FOXK1: variants seen among roughly 807,000 people sequenced by gnomAD.
FOXK1 encodes forkhead box K1, also known as forkhead box protein K1.
In FOXK1, 19 loss-of-function variants were observed where a neutral mutation model predicts 51.9. The observed-to-expected ratio is 0.37, with a 90% confidence interval of 0.26 to 0.54. The LOEUF is 0.54. Ranked by LOEUF, FOXK1 falls within the 20% of genes least tolerant of loss-of-function variation. The pLI is 0.87. For missense variants in FOXK1, 870 were observed against 1,032.7 expected (o/e 0.84, Z 2.16); for synonymous variants, 537 against 482.6 (o/e 1.11, Z -1.48).
At position 4,762,551 on chromosome 7, in the gene FOXK1, G is replaced by A. The variant is rs772778823; in HGVS notation, c.*87G>A. ...AGCTCAGGCGGCCGCACCCACAGAC[G>A]GAGGAGAACAGCCCGCGGCGGCCTG... On this transcript the variant is annotated 3_prime_UTR_variant, in exon 9 of 9. Transcript: ENST00000328914. This position sits in a 1 kb window ranked among gnomAD's most constrained non-coding sequence, Gnocchi z 5.7. 1.3e-4 allele frequency: 183 copies of A among 1,374,342 alleles called. No homozygotes were observed. Among genetic ancestry groups the A allele is most frequent in the Middle Eastern group, 2.6e-4 (1 of 3,848 alleles). The allele number at this position is 1,374,342 out of a possible 1,614,324, so 85.1% of individuals were successfully genotyped here. A position where few individuals can be genotyped will look rare whatever the true frequency, so the allele number is the denominator to read the frequency against.
intron 1 of FOXK1, among the ~76,000 whole-genome samples, chr7:4,702,975 T>C (rs1269055896): frequency 1.3e-5 from 2 of 152,172 alleles, no homozygotes; most frequent in African/African-American, 4.8e-5. Flanking sequence ...CTGCGTGTCC[T>C]GCTCGTCCTC....
chr7:4,705,378 TG>T (rs1473662377), intron 1 of FOXK1, among the ~76,000 whole-genome samples: 1 of 150,960 alleles, frequency 6.6e-6, no homozygotes, highest in Non-Finnish European at 1.5e-5. Flanking sequence ...GACAGGGTCT[TG>T]GTATGTTGCC....
rs990714306 is a variant in FOXK1, at chr7:4,735,498, A to G, written c.561-5340A>G. The stretch of plus-strand genomic sequence containing the variant: ...AGAAAGAACCCCCTAGCTCTTAGTC[A>G]TTCTCCGTCCCCCCTGCCTGTCCCA... On this transcript the variant is annotated intron_variant, in intron 1 of 8. Transcript: ENST00000328914. This position sits in a 1 kb window ranked among gnomAD's most constrained non-coding sequence, Gnocchi z 4.7. Among the ~76,000 whole-genome samples the G allele has an allele frequency of 6.6e-6, 1 of 152,112 alleles. No homozygotes were observed. The highest frequency in any genetic ancestry group is 1.5e-5 in the Non-Finnish European group (1 of 68,034).
At chr7:4,760,976 C>T in intron 7 of FOXK1, 88 bp from the exon 8 acceptor site, 1 of 1,285,674 alleles carries the variant, frequency 7.8e-7, no homozygotes, top group South Asian at 1.3e-5. Context: ...CCTCACTTTC[C>T]CCACTTGTCC....
At chr7:4,732,364 C>G (rs1234015246) in intron 1 of FOXK1, among the ~76,000 whole-genome samples, 1 of 152,240 alleles carries the variant, frequency 6.6e-6, no homozygotes, top group East Asian at 1.9e-4. Context: ...ACCATCATAG[C>G]CCACTGCGGC....
In FOXK1 at chr7:4,754,440, T is replaced by C; in HGVS notation, c.747-19T>C. On this transcript the variant is annotated intron_variant, in intron 2 of 8. Coordinates refer to ENST00000328914, the MANE Select transcript of FOXK1 (RefSeq NM_001037165.2). ...CCTCTTCAGAGCCATGAACTTACAG[T>C]GTCCTTCTCTCTCCTCAGTGTCCCC... is the stretch of plus-strand genomic sequence containing the variant. The C allele has an allele frequency of 6.2e-7, 1 of 1,610,154 alleles. No individual in the cohort carries two copies. The highest frequency in any genetic ancestry group is 8.5e-7 in the Non-Finnish European group (1 of 1,178,486).
intron 1 of FOXK1, among the ~76,000 whole-genome samples, chr7:4,725,608 C>G (rs1184976747): frequency 1.3e-5 from 2 of 152,256 alleles, no homozygotes; most frequent in African/African-American, 4.8e-5. Context: ...CGGGCCTCGC[C>G]CATGCTCCGG....
intron 1 of FOXK1, among the ~76,000 whole-genome samples, chr7:4,740,327 G>C (rs1302498515): frequency 6.6e-6 from 1 of 152,108 alleles, no homozygotes; most frequent in Non-Finnish European, 1.5e-5. Flanking sequence ...CTACTCGGGA[G>C]GCTGAGGCAG....
At chr7:4,754,643 ACCTGGTGAC>A in intron 3 of FOXK1, 28 bp downstream of exon 3, 1 of 1,593,216 alleles carries the variant, frequency 6.3e-7, no homozygotes, top group South Asian at 1.1e-5. Flanking sequence ...GCCGTGGTGC[ACCTGGTGAC>A]CCAGGATCGG....
Position 4,684,109 on chromosome 7 carries a change from C to T in FOXK1, c.560+1241C>T, listed in dbSNP as rs187839354. ...CCTCCTTTCCAGCTCCACTGCCCTC[C>T]GCACCCTCTGCTCTGCCCCGGACCT... On this transcript the variant is annotated intron_variant, in intron 1 of 8. Transcript: ENST00000328914. 6.6e-5 allele frequency among the ~76,000 whole-genome samples: 10 copies of T among 152,278 alleles called. 1 individual carries two copies. The highest frequency in any genetic ancestry group is 2.2e-4 in the African/African-American group (9 of 41,560).
chr7:4,725,271 C>A (rs1250894834), intron 1 of FOXK1, among the ~76,000 whole-genome samples: 1 of 152,230 alleles, frequency 6.6e-6, no homozygotes, highest in African/African-American at 2.4e-5. Context: ...GCCGGAACGC[C>A]CCTTGGAGCA....
intron 1 of FOXK1, among the ~76,000 whole-genome samples, chr7:4,690,550 G>A (rs1000917702): frequency 6.6e-5 from 10 of 152,206 alleles, no homozygotes; most frequent in African/African-American, 1.9e-4. Context: ...TGGGCTTGCC[G>A]CCCATTTAAG....
chr7:4,687,185 G>A (rs1203369630), intron 1 of FOXK1, among the ~76,000 whole-genome samples: 1 of 151,926 alleles, frequency 6.6e-6, no homozygotes, highest in Non-Finnish European at 1.5e-5. Context: ...ACCCTCCTCG[G>A]CCTTCCAAAG....
chr7:4,737,208 G>A (rs927996896), intron 1 of FOXK1, among the ~76,000 whole-genome samples: 2 of 152,184 alleles, frequency 1.3e-5, no homozygotes, highest in African/African-American at 4.8e-5. Context: ...TGGCTGCAGC[G>A]TGATCCGATC....
intron 1 of FOXK1, among the ~76,000 whole-genome samples, chr7:4,701,369 C>G (rs1422830994): frequency 6.6e-6 from 1 of 152,142 alleles, no homozygotes; most frequent in African/African-American, 2.4e-5. Flanking sequence ...GGTTTGATCT[C>G]AAAACAGTTC....
intron 1 of FOXK1, among the ~76,000 whole-genome samples, chr7:4,706,430 A>C (rs1458799477): frequency 6.6e-6 from 1 of 152,186 alleles, no homozygotes; most frequent in East Asian, 1.9e-4. Context: ...TGGTCAGGGA[A>C]GTTCCAGGAA....
In FOXK1 at chr7:4,756,832, C is replaced by T. The variant is rs1389164415; in HGVS notation, c.1051-162C>T. On this transcript the variant is annotated intron_variant, in intron 4 of 8. Coordinates refer to ENST00000328914, the MANE Select transcript of FOXK1 (RefSeq NM_001037165.2). The surrounding 1 kb of genome is among the most constrained non-coding windows in gnomAD (Gnocchi z 4.1). Reference sequence around the variant, plus strand: ...TTGATAGGAATGACCTGCCCTGTGCCTCGGTGCTGCTCCCGTGAGGCCCAG... The same window carrying T: ...TTGATAGGAATGACCTGCCCTGTGCTTCGGTGCTGCTCCCGTGAGGCCCAG... Among the ~76,000 whole-genome samples the T allele has an allele frequency of 1.3e-5, 2 of 152,132 alleles. No homozygotes were observed. The highest frequency in any genetic ancestry group is 4.8e-5 in the African/African-American group (2 of 41,432).
At position 4,758,905 on chromosome 7, in the gene FOXK1, C is replaced by A; in HGVS notation, c.1245-146C>A. The A allele has an allele frequency of 1.2e-6, 1 of 807,352 alleles. No individual in the cohort carries two copies. Among genetic ancestry groups the A allele is most frequent in the Non-Finnish European group, 1.9e-6 (1 of 526,048 alleles). The allele number at this position is 807,352 out of a possible 1,614,324, so 50.0% of individuals were successfully genotyped here. A position where few individuals can be genotyped will look rare whatever the true frequency, so the allele number is the denominator to read the frequency against. On this transcript the variant is annotated intron_variant, in intron 5 of 8. Transcript: ENST00000328914. The surrounding 1 kb of genome is among the most constrained non-coding windows in gnomAD (Gnocchi z 4.4). ...AAAGGCTGGGTTCAGGTTACGGGGG[C>A]GTTTCTCACCGTCTGAATGCGGAGG... is the stretch of plus-strand genomic sequence containing the variant.
rs1324696340 is a variant in FOXK1 at position 4,762,486 on chromosome 7, G to A, written c.*22G>A. 1 of 1,531,820 alleles carries A rather than the reference G, an allele frequency of 6.5e-7. No homozygotes were observed. The highest frequency in any genetic ancestry group is 8.8e-7 in the Non-Finnish European group (1 of 1,134,812). The allele number at this position is 1,531,820 out of a possible 1,614,324, so 94.9% of individuals were successfully genotyped here. Reference sequence around the variant, plus strand: ...GTGAGGTCACCTGCAACGCGGGGGAGTGGGACTCACCCAGCGGCGACCCCG... The same window carrying A: ...GTGAGGTCACCTGCAACGCGGGGGAATGGGACTCACCCAGCGGCGACCCCG... On this transcript the variant is annotated 3_prime_UTR_variant, in exon 9 of 9. Transcript: ENST00000328914. This position sits in a 1 kb window ranked among gnomAD's most constrained non-coding sequence, Gnocchi z 5.7.
Sources: gnomAD v4.1 joint callset for allele counts (sites outside exome capture counted in the v4.1 genomes callset) on GRCh38, gnomAD v4.1.1 for gene constraint, Gnocchi (gnomAD v3.1) non-coding constraint, MANE v1.5 for transcripts, NCBI Gene and HGNC (gene_info 2026-07-23, HGNC 2026-07-21) for gene names.